RFX3: variants seen among roughly 807,000 people sequenced by gnomAD.
The protein encoded by RFX3 is transcription factor RFX3.
RFX3 carries 14 observed loss-of-function variants against 98.6 expected under a neutral mutation model. That is an observed-to-expected ratio of 0.14 (90% CI 0.09 to 0.22). The LOEUF is 0.22. Ranked by LOEUF, RFX3 falls within the 10% of genes least tolerant of loss-of-function variation. The pLI is 1.00. For missense variants in RFX3, 639 were observed against 926.9 expected (o/e 0.69, Z 4.03); for synonymous variants, 383 against 328.4 (o/e 1.17, Z -1.80).
In RFX3 at chr9:3,220,641, C is replaced by CT. The variant is rs1003281798; in HGVS notation, c.*4400_*4401insA. The CT allele has an allele frequency of 6.6e-6, 1 of 151,258 alleles. No individual in the cohort carries two copies. Among genetic ancestry groups the CT allele is most frequent in the African/African-American group, 2.4e-5 (1 of 41,266 alleles). The allele number at this position is 151,258 out of a possible 1,614,324, so 9.4% of individuals were successfully genotyped here. A position where few individuals can be genotyped will look rare whatever the true frequency, so the allele number is the denominator to read the frequency against. ...TGGAAACACTTTCTCTTCCTACCCC[C>CT]CCCTTTAAAAAAACAGCATAATTAG... On this transcript the variant is annotated 3_prime_UTR_variant, in exon 17 of 17. Coordinates refer to ENST00000617270, the MANE Select transcript of RFX3 (RefSeq NM_001282116.2).
At chr9:3,340,956 T>C (rs1833820089) in intron 3 of RFX3, among the ~76,000 whole-genome samples, 1 of 152,186 alleles carries the variant, frequency 6.6e-6, no homozygotes, top group Non-Finnish European at 1.5e-5. Context: ...CATGCACACA[T>C]ATGTTTATTG....
At chr9:3,384,803 C>T (rs915635665) in intron 2 of RFX3, among the ~76,000 whole-genome samples, 5 of 152,188 alleles carry the variant, frequency 3.3e-5, no homozygotes, top group Non-Finnish European at 7.4e-5. Context: ...ACCCTTCCCA[C>T]GCTCTCCCCC....
Position 3,347,656 on chromosome 9 carries a change from G to A in RFX3, c.118-892C>T, listed in dbSNP as rs183368061. On this transcript the variant is annotated intron_variant, in intron 2 of 16. Coordinates refer to ENST00000617270, the MANE Select transcript of RFX3 (RefSeq NM_001282116.2). ...CTCCTGACCAACATGATGAAACCCC[G>A]TCTCTACTAAAAATATAAAATTAGC... is the stretch of plus-strand genomic sequence containing the variant. Among the ~76,000 whole-genome samples, 758 of 151,958 alleles carry A rather than the reference G, an allele frequency of 5.0e-3. 3 individuals are homozygous for A. The highest frequency in any genetic ancestry group is 7.2e-3 in the Non-Finnish European group (490 of 67,956).
intron 1 of RFX3, among the ~76,000 whole-genome samples, chr9:3,467,197 A>ATGTATGTGTATATACATATATAATG (rs1246749282): frequency 7.0e-6 from 1 of 143,248 alleles, no homozygotes; most frequent in Non-Finnish European, 1.5e-5. Flanking sequence ...TACATATATA[A>ATGTATGTGTATATACATATATAATG]TGTATGTGTA....
At chr9:3,450,264 G>C (rs978466201) in intron 1 of RFX3, among the ~76,000 whole-genome samples, 1 of 152,166 alleles carries the variant, frequency 6.6e-6, no homozygotes, top group African/African-American at 2.4e-5. Flanking sequence ...CTCAGATTAA[G>C]AAAATCTCAA....
intron 1 of RFX3, among the ~76,000 whole-genome samples, chr9:3,440,854 C>A (rs1301627615): frequency 6.6e-6 from 1 of 152,088 alleles, no homozygotes; most frequent in Non-Finnish European, 1.5e-5. Flanking sequence ...TGTGCAATAA[C>A]TAAGACAGTA....
intron 3 of RFX3, among the ~76,000 whole-genome samples, chr9:3,333,950 G>A (rs528620307): frequency 1.8e-4 from 28 of 152,184 alleles, no homozygotes; most frequent in African/African-American, 6.0e-4. Context: ...CCATGAGGTA[G>A]GTGCTGTTAT....
intron 4 of RFX3, among the ~76,000 whole-genome samples, chr9:3,317,602 AT>A (rs1161622009): frequency 2.6e-5 from 4 of 152,318 alleles, no homozygotes; most frequent in Admixed American, 2.0e-4. Context: ...ATGGGAGAAA[AT>A]TTTTACAATC....
intron 1 of RFX3, among the ~76,000 whole-genome samples, chr9:3,500,189 G>C (rs909788788): frequency 2.0e-5 from 3 of 152,134 alleles, no homozygotes; most frequent in African/African-American, 4.8e-5. Context: ...GGCAACATCT[G>C]ACCAAAGAAC....
chr9:3,218,796 C>G lies in RFX3; in HGVS notation c.*6246G>C, dbSNP rs1176625747. The G allele has an allele frequency of 3.3e-5, 5 of 151,974 alleles. No individual in the cohort carries two copies. Among genetic ancestry groups the G allele is most frequent in the African/African-American group, 1.2e-4 (5 of 41,406 alleles). The allele number at this position is 151,974 out of a possible 1,614,324, so 9.4% of individuals were successfully genotyped here. A position where few individuals can be genotyped will look rare whatever the true frequency, so the allele number is the denominator to read the frequency against. On this transcript the variant is annotated 3_prime_UTR_variant, in exon 17 of 17. Transcript: ENST00000617270. The stretch of plus-strand genomic sequence containing the variant: ...ACCTCATTTACATAATATATTCAGT[C>G]GATTGTAAAATAAATGTTCAAATAT...
intron 1 of RFX3, among the ~76,000 whole-genome samples, chr9:3,437,300 G>A (rs1285892694): frequency 3.9e-5 from 6 of 151,978 alleles, no homozygotes; most frequent in African/African-American, 4.8e-5. Flanking sequence ...GGCATCATTC[G>A]TCAGCTTACA....
chr9:3,300,438 G>C (rs1031249186), intron 5 of RFX3, among the ~76,000 whole-genome samples: 6 of 151,600 alleles, frequency 4.0e-5, no homozygotes, highest in East Asian at 1.9e-4. Context: ...AGAACATAAG[G>C]AGGTAATTAG....
At chr9:3,492,538 A>C (rs1432211793) in intron 1 of RFX3, among the ~76,000 whole-genome samples, 1 of 152,192 alleles carries the variant, frequency 6.6e-6, no homozygotes, top group Non-Finnish European at 1.5e-5. Context: ...AAAGTTCTTG[A>C]CTATACTCCT....
chr9:3,443,363 C>G (rs1845764960), intron 1 of RFX3, among the ~76,000 whole-genome samples: 1 of 152,124 alleles, frequency 6.6e-6, no homozygotes, highest in Non-Finnish European at 1.5e-5. Flanking sequence ...TACCACCAAC[C>G]CTCTCCAACA....
intron 7 of RFX3, 89 bp from the exon 8 acceptor site, chr9:3,277,550 T>C (rs1185154886): frequency 1.8e-6 from 2 of 1,139,664 alleles, no homozygotes; most frequent in Non-Finnish European, 2.6e-6. Flanking sequence ...TTCAGTTTTA[T>C]TCTATCTTCT....
chr9:3,275,383 C>T (rs1475894074), intron 9 of RFX3, 117 bp downstream of exon 9: 4 of 562,388 alleles, frequency 7.1e-6, no homozygotes, highest in African/African-American at 5.7e-5. Flanking sequence ...AAAAGATACG[C>T]TCAAAAGAAT....
intron 1 of RFX3, chr9:3,524,753 C>T (rs905336794): frequency 9.3e-5 from 26 of 281,078 alleles, no homozygotes; most frequent in Non-Finnish European, 1.3e-4. Context: ...CCCACCTCCA[C>T]ATGAAGGATA....
At chr9:3,441,110 T>C (rs1258807730) in intron 1 of RFX3, among the ~76,000 whole-genome samples, 1 of 152,196 alleles carries the variant, frequency 6.6e-6, no homozygotes, top group Non-Finnish European at 1.5e-5. Flanking sequence ...CTAACAACTC[T>C]GAAGCTGCTT....
chr9:3,339,172 T>C (rs949441800), intron 3 of RFX3, among the ~76,000 whole-genome samples: 2 of 152,110 alleles, frequency 1.3e-5, no homozygotes, highest in African/African-American at 4.8e-5. Context: ...AGGAATTTTA[T>C]ATTCTGTGGC....
Sources: gnomAD v4.1 joint callset for allele counts (sites outside exome capture counted in the v4.1 genomes callset) on GRCh38, gnomAD v4.1.1 for gene constraint, MANE v1.5 for transcripts, NCBI Gene and HGNC (gene_info 2026-07-23, HGNC 2026-07-21) for gene names.